The following ZWINT variants were observed in gnomAD, a reference collection of about 807,000 sequenced individuals.
The protein encoded by ZWINT is ZW10 interacting kinetochore protein, also known as outer kinetochore KNL1 complex subunit ZWINT.
A neutral mutation model predicts 41.5 loss-of-function variants in ZWINT; 41 were observed. The ratio of observed to expected loss-of-function variants is 0.99; its 90% CI spans 0.77 to 1.28. The LOEUF is 1.28. Ranked by LOEUF, ZWINT falls within the 50% of genes most tolerant of loss-of-function variation. The pLI, the probability that ZWINT is intolerant of heterozygous loss-of-function variation, is 0.00. For missense variants in ZWINT, 369 were observed against 329.7 expected (o/e 1.12, Z -0.92); for synonymous variants, 132 against 126.8 (o/e 1.04, Z -0.28).
At chr10:56,361,032 A>C (rs1838320492) in intron 1 of ZWINT, among the ~76,000 whole-genome samples, 164 bp downstream of exon 1, 1 of 152,136 alleles carries the variant, frequency 6.6e-6, no homozygotes, top group South Asian at 2.1e-4. Context: ...GGAGCAGGCA[A>C]CAGACACCTC....
intron 4 of ZWINT, 31 bp from the exon 5 acceptor site, chr10:56,359,563 G>T (rs1379502847): frequency 6.4e-7 from 1 of 1,562,996 alleles, no homozygotes; most frequent in Admixed American, 1.9e-5. Flanking sequence ...AAGACCAAGA[G>T]AAGTCTATTT....
Position 56,360,442 on chromosome 10 carries a change from C to T in ZWINT, c.42-59G>A, listed in dbSNP as rs543857147. 3.4e-5 allele frequency: 48 copies of T among 1,400,622 alleles called. No homozygotes were observed. In the East Asian group the frequency reaches 9.6e-4, roughly 28 times the overall value. 86.8% of individuals were successfully genotyped at this position (1,400,622 alleles called of 1,614,324 possible). On this transcript the variant is annotated intron_variant, in intron 1 of 8. Transcript: ENST00000373944. ...TTCTTGTGGTGCTAGTTCTACAGTTCGTGTGTGTACACAAACAAATGTGGA... is the reference window on the plus strand; with the variant it reads ...TTCTTGTGGTGCTAGTTCTACAGTTTGTGTGTGTACACAAACAAATGTGGA...
At chr10:56,361,110 G>C (rs148022512) in intron 1 of ZWINT, 86 bp downstream of exon 1, 1 of 1,467,978 alleles carries the variant, frequency 6.8e-7, no homozygotes, top group African/African-American at 1.4e-5. Flanking sequence ...AGCTGTACAG[G>C]GTCGAGGGCA....
chr10:56,358,443 G>A lies in ZWINT; in HGVS notation c.809C>T (p.Pro270Leu). ...TCATGGCAAATTTACATCTCCAGCAGGTTGTAGACCAACAGCCTTGGAGAA... is the reference window on the plus strand; with the variant it reads ...TCATGGCAAATTTACATCTCCAGCAAGTTGTAGACCAACAGCCTTGGAGAA... ...GVSFKAVGLQ[P>L]AGDVNLP Residue 270 changes from proline to leucine, a missense_variant, in exon 8 of 9, where the codon CCT (proline) becomes CTT (leucine). Transcript: ENST00000373944. 15 of 1,614,108 alleles carry A rather than the reference G, an allele frequency of 9.3e-6. No homozygotes were observed. The highest frequency in any genetic ancestry group is 1.3e-5 in the Non-Finnish European group (15 of 1,180,022).
At position 56,359,482 on chromosome 10, in the gene ZWINT, T is replaced by C. The variant is rs1231682368; in HGVS notation, c.474A>G (p.Leu158=). ...KRRAVQNQWQ[L]QQEKHLQHLA... ...CCTAGGGGGACGAACCTACCTGTTG[T>C]AGCTGCCACTGGTTCTGGACTGCTC... The change falls in exon 5 of 9, where the codon CTA becomes CTG. Residue 158 remains leucine, a synonymous_variant. Coordinates refer to ENST00000373944, the MANE Select transcript of ZWINT (RefSeq NM_007057.4). 6.5e-7 allele frequency: 1 copy of C among 1,534,408 alleles called. No homozygotes were observed. Among genetic ancestry groups the C allele is most frequent in the South Asian group, 1.3e-5 (1 of 76,850 alleles).
At chr10:56,360,254 C>T (rs749194843) in intron 2 of ZWINT, 39 bp downstream of exon 2, 3 of 1,610,542 alleles carry the variant, frequency 1.9e-6, no homozygotes, top group Non-Finnish European at 2.5e-6. Context: ...CAGGACCAGA[C>T]CCTGGCTTCT....
chr10:56,359,418 C>T, intron 5 of ZWINT, 58 bp downstream of exon 5: 2 of 1,474,506 alleles, frequency 1.4e-6, no homozygotes, highest in Non-Finnish European at 1.8e-6. Context: ...ACAGGGGACA[C>T]AGCCGATACA....
Position 56,358,193 on chromosome 10 carries a change from A to G in ZWINT, c.*42-8T>C, listed in dbSNP as rs1838216511. On this transcript the variant is annotated splice_polypyrimidine_tract_variant and splice_region_variant and intron_variant, in intron 8 of 8. Coordinates refer to ENST00000373944, the MANE Select transcript of ZWINT (RefSeq NM_007057.4). ...GTGAGGGAAGTCAGAGGCCTGGGGA[A>G]GAAGACAGGGGTTAGCTCTGGGTGG... is the stretch of plus-strand genomic sequence containing the variant. 1.3e-6 allele frequency: 1 copy of G among 758,022 alleles called. No homozygotes were observed. The highest frequency in any genetic ancestry group is 2.5e-6 in the Non-Finnish European group (1 of 405,832). 47.0% of individuals were successfully genotyped at this position (758,022 alleles called of 1,614,324 possible).
At position 56,358,398 on chromosome 10, in the gene ZWINT, T is replaced by C. The variant is rs1485172059; in HGVS notation, c.*20A>G. 1.9e-6 allele frequency: 3 copies of C among 1,614,022 alleles called. No individual in the cohort carries two copies. Among genetic ancestry groups the C allele is most frequent in the Non-Finnish European group, 2.5e-6 (3 of 1,180,004 alleles). On this transcript the variant is annotated 3_prime_UTR_variant, in exon 8 of 9. Transcript: ENST00000373944. ...TGACCTTTTCTAGGATCTTTCTCCA[T>C]GCTGCTGTCCTCCAGGAAGTCATGG...
chr10:56,360,250 C>A, intron 2 of ZWINT, 43 bp downstream of exon 2: 1 of 1,611,822 alleles, frequency 6.2e-7, no homozygotes, highest in South Asian at 1.1e-5. Context: ...GAGCCAGGAC[C>A]AGACCCTGGC....
chr10:56,358,896 T>C lies in ZWINT; in HGVS notation c.532A>G (p.Lys178Glu), dbSNP rs749094308. 6.2e-6 allele frequency: 10 copies of C among 1,613,972 alleles called. No homozygotes were observed. Reference sequence around the variant, plus strand: ...TCAAGCTCCTGCTGAGTCCCTGTCTTACGCTCCCTCACCTCTGCAGAAACC... The same window carrying C: ...TCAAGCTCCTGCTGAGTCCCTGTCTCACGCTCCCTCACCTCTGCAGAAACC... ...AEVSAEVRERKTGTQQELDRV... is the reference protein window; with the variant it reads ...AEVSAEVRERETGTQQELDRV... The change falls in exon 6 of 9, where the codon AAG becomes GAG. Residue 178 changes from lysine to glutamate, a missense_variant. Lys to Glu is a moderately conservative substitution (Grantham distance 56). Coordinates refer to ENST00000373944, the MANE Select transcript of ZWINT (RefSeq NM_007057.4).
At chr10:56,358,486 G>A (rs1178297953) in intron 7 of ZWINT, 27 bp from the exon 8 acceptor site, 1 of 1,614,016 alleles carries the variant, frequency 6.2e-7, no homozygotes. Context: ...ATAGACAGTG[G>A]GTAAGGCCAA....
At chr10:56,359,122 G>A (rs1228290912) in intron 5 of ZWINT, among the ~76,000 whole-genome samples, 175 bp from the exon 6 acceptor site, 1 of 152,176 alleles carries the variant, frequency 6.6e-6, no homozygotes, top group African/African-American at 2.4e-5. Context: ...AGAATGAGCT[G>A]TTCTAGGGTG....
chr10:56,360,239 G>A (rs1005209014), intron 2 of ZWINT, 54 bp downstream of exon 2: 9 of 1,611,586 alleles, frequency 5.6e-6, no homozygotes, highest in Middle Eastern at 1.7e-4. Context: ...CTCAGTAAGA[G>A]GAGCCAGGAC....
In ZWINT at chr10:56,359,506, T is replaced by G. The variant is rs758424425; in HGVS notation, c.450A>C (p.Arg150Ser). The G allele has an allele frequency of 1.3e-6, 2 of 1,551,890 alleles. No homozygotes were observed. Among genetic ancestry groups the G allele is most frequent in the Non-Finnish European group, 8.7e-7 (1 of 1,153,544 alleles). The change falls in exon 5 of 9, where the codon AGA becomes AGC. Residue 150 changes from arginine (R) to serine (S), a missense_variant. Arg to Ser is a moderately radical substitution (Grantham distance 110). Transcript: ENST00000373944. ...GTAGCTGCCACTGGTTCTGGACTGC[T>G]CTGCGTTTCTCCATGGCCATTTGTT... Reference protein sequence around the residue: ...AKKQMAMEKRRAVQNQWQLQQ... With the variant: ...AKKQMAMEKRSAVQNQWQLQQ...
Position 56,359,784 on chromosome 10 carries a change from G to T in ZWINT, c.326C>A (p.Ala109Asp). The change falls in exon 4 of 9, where the codon GCC becomes GAC. Residue 109 changes from alanine (A) to aspartate (D), a missense_variant. Coordinates refer to ENST00000373944, the MANE Select transcript of ZWINT (RefSeq NM_007057.4). ...LKATYREHVEAIKIGLTKALT... is the reference protein window; with the variant it reads ...LKATYREHVEDIKIGLTKALT... ...GGCCTTGGTGAGGCCAATTTTGATG[G>T]CCTCTACGTGCTCCCTGTAGGTGGC... The T allele has an allele frequency of 1.2e-6, 2 of 1,614,094 alleles. No individual in the cohort carries two copies. The highest frequency in any genetic ancestry group is 1.7e-6 in the Non-Finnish European group (2 of 1,180,034).
At chr10:56,361,055 C>T in intron 1 of ZWINT, 141 bp downstream of exon 1, 3 of 884,256 alleles carry the variant, frequency 3.4e-6, no homozygotes, top group Non-Finnish European at 5.1e-6. Context: ...GAACCTAAGA[C>T]GGGACTGCGG....
Position 56,358,789 on chromosome 10 carries a change from A to G in ZWINT, c.623+16T>C. ...CTGGACCATTTTGAATCTGCAGCCC[A>G]TGCTCCCGAACTTACCTCTGCAGCT... On this transcript the variant is annotated intron_variant, in intron 6 of 8. Coordinates refer to ENST00000373944, the MANE Select transcript of ZWINT (RefSeq NM_007057.4). 1 of 1,613,962 alleles carries G rather than the reference A, an allele frequency of 6.2e-7. No homozygotes were observed. Among genetic ancestry groups the G allele is most frequent in the Non-Finnish European group, 8.5e-7 (1 of 1,179,958 alleles).
Position 56,358,645 on chromosome 10 carries a change from G to T in ZWINT, c.703C>A (p.Leu235Ile). The stretch of plus-strand genomic sequence containing the variant: ...GGCTGCTGGGGTTTATCATCTGGAA[G>T]ATTCTCTGCCTCAGCCTCAGCCTCA... ...FPEAEAEAENLPDDKPQQPTR... is the reference protein window; with the variant it reads ...FPEAEAEAENIPDDKPQQPTR... The change falls in exon 7 of 9, where the codon CTT (leucine) becomes ATT (isoleucine). Residue 235 changes from leucine to isoleucine, a missense_variant. Coordinates refer to ENST00000373944, the MANE Select transcript of ZWINT (RefSeq NM_007057.4). The T allele has an allele frequency of 6.2e-7, 1 of 1,613,754 alleles. No homozygotes were observed. The highest frequency in any genetic ancestry group is 8.5e-7 in the Non-Finnish European group (1 of 1,180,028).
Sources: allele counts gnomAD v4.1 joint callset (sites outside exome capture counted in the v4.1 genomes callset), GRCh38; gene constraint gnomAD v4.1.1; transcripts MANE v1.5; gene names NCBI Gene and HGNC (gene_info 2026-07-23, HGNC 2026-07-21).